Variants in CD40 observed in about 807,000 individuals in gnomAD.
CD40 encodes tumor necrosis factor receptor superfamily member 5.
Under a neutral mutation model 38.5 loss-of-function variants are expected in CD40, and 19 were observed. The observed-to-expected ratio is 0.49, with a 90% CI of 0.34 to 0.72. CD40 has a LOEUF of 0.72. Among genes scored for constraint, CD40 ranks in the 30% least tolerant of loss-of-function variants. CD40 has a pLI of 0.01. For synonymous variants in CD40, 130 were observed against 128.7 expected, an observed-to-expected ratio of 1.01 and a Z score of -0.07; for missense variants, 256 against 344.1, an observed-to-expected ratio of 0.74 and a Z score of 2.03.
At chr20:46,125,189 T>C (rs2085408826) in intron 5 of CD40, among the ~76,000 whole-genome samples, 1 of 152,092 alleles carries the variant, frequency 6.6e-6, no homozygotes, top group African/African-American at 2.4e-5. Context: ...GACCTTCATT[T>C]CACAAGGCTT....
intron 6 of CD40, chr20:46,127,055 AG>A (rs1270541169): frequency 2.7e-6 from 1 of 372,336 alleles, no homozygotes; most frequent in African/African-American, 2.1e-5. Flanking sequence ...TAATGGGTGC[AG>A]CACACCAACA....
intron 1 of CD40, 70 bp downstream of exon 1, chr20:46,118,464 T>A (rs1161857434): frequency 8.2e-7 from 1 of 1,216,192 alleles, no homozygotes; most frequent in Admixed American, 1.9e-5. Flanking sequence ...AAGGAAGACT[T>A]CGGGGAAGAG....
rs2085324517 is a variant in CD40 at position 46,121,828 on chromosome 20, A to G, written c.60A>G (p.Pro20=). The change falls in exon 2 of 9, where the codon CCA becomes CCG. Residue 20 remains proline (P), a synonymous_variant. Coordinates refer to ENST00000372285, the MANE Select transcript of CD40 (RefSeq NM_001250.6). ...LWGCLLTAVH[P]EPPTACREKQ... ...CACAATTCTGTTTTTAGGTCCATCCAGAACCACCCACTGCATGCAGAGAAA... is the reference window on the plus strand; with the variant it reads ...CACAATTCTGTTTTTAGGTCCATCCGGAACCACCCACTGCATGCAGAGAAA... The G allele has an allele frequency of 1.9e-6, 3 of 1,613,476 alleles. No homozygotes were observed. The highest frequency in any genetic ancestry group is 1.3e-5 in the African/African-American group (1 of 74,920).
At chr20:46,128,001 C>T in intron 6 of CD40, 137 bp from the exon 7 acceptor site, 1 of 1,547,934 alleles carries the variant, frequency 6.5e-7, no homozygotes. Flanking sequence ...CACATTTCCC[C>T]AAGGACCGCG....
rs1274016820 is a variant in CD40, at chr20:46,122,749, G to A, written c.396G>A (p.Lys132=). Residue 132 remains lysine, a synonymous_variant, in exon 4 of 9, where the codon AAG becomes AAA. Transcript: ENST00000372285. This position sits in a 1 kb window ranked among gnomAD's most constrained non-coding sequence, Gnocchi z 5.0. ...CATGCTCGCCCGGCTTTGGGGTCAA[G>A]CAGATTGGTAAGTGGCTCATCTGGG... ...HRSCSPGFGV[K]QIATGVSDTI... is the part of the protein sequence containing the mutation. 6.2e-7 allele frequency: 1 copy of A among 1,614,152 alleles called. No homozygotes were observed. The highest frequency in any genetic ancestry group is 1.7e-5 in the Admixed American group (1 of 60,022).
At chr20:46,120,575 T>C (rs538093680) in intron 1 of CD40, among the ~76,000 whole-genome samples, 2 of 152,360 alleles carry the variant, frequency 1.3e-5, no homozygotes, top group Admixed American at 6.5e-5. Flanking sequence ...AGTTAATGCC[T>C]CTCAAAGGCT....
At position 46,122,194 on chromosome 20, in the gene CD40, G is replaced by T. The variant is rs772505094; in HGVS notation, c.131-39G>T. 1 of 1,613,622 alleles carries T rather than the reference G, an allele frequency of 6.2e-7. No homozygotes were observed. The highest frequency in any genetic ancestry group is 8.5e-7 in the Non-Finnish European group (1 of 1,179,540). ...GTGTGGTTAGTGTCTGACTCATGGA[G>T]TTGGCCAGAGCCCTCCCTCATTTCC... On this transcript the variant is annotated intron_variant, in intron 2 of 8. Coordinates refer to ENST00000372285, the MANE Select transcript of CD40 (RefSeq NM_001250.6). This position sits in a 1 kb window ranked among gnomAD's most constrained non-coding sequence, Gnocchi z 5.0.
rs748815394 is a variant in CD40, at chr20:46,122,793, A to G, written c.403+37A>G. The G allele has an allele frequency of 1.9e-6, 3 of 1,612,448 alleles. No individual in the cohort carries two copies. The highest frequency in any genetic ancestry group is 2.5e-6 in the Non-Finnish European group (3 of 1,178,782). ...ATCTGGGAATCAGTTTTGGAGGGGG[A>G]CAGAGGAGCTTAGGGCCCAAGGTGA... On this transcript the variant is annotated intron_variant, in intron 4 of 8. Transcript: ENST00000372285. The surrounding 1 kb of genome is among the most constrained non-coding windows in gnomAD (Gnocchi z 5.0).
At position 46,126,640 on chromosome 20, in the gene CD40, C is replaced by G. The variant is rs144600981; in HGVS notation, c.498C>G (p.Ser166Arg). 6.2e-7 allele frequency: 1 copy of G among 1,613,978 alleles called. No individual in the cohort carries two copies. Among genetic ancestry groups the G allele is most frequent in the African/African-American group, 1.3e-5 (1 of 74,912 alleles). ...CATTTGTGCACGTGTCTGTGCATAG[C>G]TGTGAGACCAAAGACCTGGTTGTGC... ...SAFEKCHPWT[S>R]CETKDLVVQQ... is the part of the protein sequence containing the mutation. Residue 166 changes from serine (S) to arginine (R), a missense_variant and splice_region_variant, in exon 6 of 9, where the codon AGC (serine) becomes AGG (arginine). Coordinates refer to ENST00000372285, the MANE Select transcript of CD40 (RefSeq NM_001250.6).
At position 46,122,557 on chromosome 20, in the gene CD40, T is replaced by G; in HGVS notation, c.257-53T>G. On this transcript the variant is annotated intron_variant, in intron 3 of 8. Transcript: ENST00000372285. The surrounding 1 kb of genome is among the most constrained non-coding windows in gnomAD (Gnocchi z 5.0). ...GAGCAGGCAATGTGGGGAGTGAGGC[T>G]CAGAGCATGGCCCAGCAGGGGGTTC... The G allele has an allele frequency of 6.2e-7, 1 of 1,612,924 alleles. No homozygotes were observed. The highest frequency in any genetic ancestry group is 1.1e-5 in the South Asian group (1 of 91,028).
At position 46,122,455 on chromosome 20, in the gene CD40, T is replaced by G; in HGVS notation, c.256+97T>G. On this transcript the variant is annotated intron_variant, in intron 3 of 8. Transcript: ENST00000372285. This position sits in a 1 kb window ranked among gnomAD's most constrained non-coding sequence, Gnocchi z 5.0. ...TTATGTAGCCAGGGTCTGCTCTGAT[T>G]GGTTGGAGTCCGGGCTGTACTGATC... The G allele has an allele frequency of 6.3e-7, 1 of 1,583,716 alleles. No individual in the cohort carries two copies. Among genetic ancestry groups the G allele is most frequent in the Non-Finnish European group, 8.7e-7 (1 of 1,154,430 alleles).
At chr20:46,125,404 C>T (rs1177842544) in intron 5 of CD40, among the ~76,000 whole-genome samples, 3 of 151,632 alleles carry the variant, frequency 2.0e-5, no homozygotes, top group East Asian at 2.0e-4. Context: ...ATTAGCTGGG[C>T]GTGGTGGCGC....
At position 46,123,240 on chromosome 20, in the gene CD40, T is replaced by C. The variant is rs111455404; in HGVS notation, c.497+21T>C. 5.7e-6 allele frequency: 9 copies of C among 1,573,138 alleles called. No homozygotes were observed. In the African/African-American group the frequency reaches 6.7e-5, roughly 12 times the overall value. ...ACAAGGTATAAGCACTCATCCCTTG[T>C]GTTTCCTGCTCTAAGAGTGGCATGG... On this transcript the variant is annotated intron_variant, in intron 5 of 8. Transcript: ENST00000372285.
At chr20:46,127,074 T>C (rs2085451668) in intron 6 of CD40, 3 of 316,794 alleles carry the variant, frequency 9.5e-6, no homozygotes, top group South Asian at 9.3e-5. Context: ...ACATGGTACA[T>C]GTATACATAT....
At position 46,129,101 on chromosome 20, in the gene CD40, GTGC is replaced by G. The variant is rs755836869; in HGVS notation, c.*73_*75del. On this transcript the variant is annotated 3_prime_UTR_variant, in exon 9 of 9. Coordinates refer to ENST00000372285, the MANE Select transcript of CD40 (RefSeq NM_001250.6). ...AACAGGCAGTTGGCCAGAGAGCCTG[GTGC>G]TGCTGCTGCTGTGGCGTGAGGGTGA... 2.1e-5 allele frequency: 33 copies of G among 1,578,420 alleles called. No homozygotes were observed. Among genetic ancestry groups the G allele is most frequent in the African/African-American group, 2.7e-5 (2 of 74,418 alleles).
At chr20:46,128,646 C>T in intron 8 of CD40, 1 of 670,162 alleles carries the variant, frequency 1.5e-6, no homozygotes, top group Non-Finnish European at 2.6e-6. Flanking sequence ...GGGGCTGGGT[C>T]AAATGGGTGG....
Position 46,128,908 on chromosome 20 carries a change from G to A in CD40, c.702G>A (p.Gln234=), listed in dbSNP as rs561338230. 1.1e-4 allele frequency: 172 copies of A among 1,614,020 alleles called. No homozygotes were observed. The highest frequency in any genetic ancestry group is 1.4e-4 in the Non-Finnish European group (171 of 1,180,012). ...CCCCCCACCCCAAGCAGGAACCCCA[G>A]GAGATCAATTTTCCCGACGATCTTC... The part of the protein sequence containing the change: ...NKAPHPKQEP[Q]EINFPDDLPG... Residue 234 remains glutamine (Q), a synonymous_variant, in exon 9 of 9, where the codon CAG becomes CAA. Transcript: ENST00000372285.
At position 46,122,778 on chromosome 20, in the gene CD40, C is replaced by A; in HGVS notation, c.403+22C>A. The A allele has an allele frequency of 6.2e-7, 1 of 1,613,920 alleles. No homozygotes were observed. Among genetic ancestry groups the A allele is most frequent in the South Asian group, 1.1e-5 (1 of 91,068 alleles). On this transcript the variant is annotated intron_variant, in intron 4 of 8. Transcript: ENST00000372285. This position sits in a 1 kb window ranked among gnomAD's most constrained non-coding sequence, Gnocchi z 5.0. Reference sequence around the variant, plus strand: ...ATTGGTAAGTGGCTCATCTGGGAATCAGTTTTGGAGGGGGACAGAGGAGCT... The same window carrying A: ...ATTGGTAAGTGGCTCATCTGGGAATAAGTTTTGGAGGGGGACAGAGGAGCT...
rs892095824 is a variant in CD40 at position 46,122,139 on chromosome 20, T to A, written c.131-94T>A. 2.5e-5 allele frequency: 37 copies of A among 1,483,234 alleles called. No homozygotes were observed. Among genetic ancestry groups the A allele is most frequent in the Non-Finnish European group, 3.2e-5 (34 of 1,061,970 alleles). The allele number at this position is 1,483,234 out of a possible 1,614,324, so 91.9% of individuals were successfully genotyped here. On this transcript the variant is annotated intron_variant, in intron 2 of 8. Transcript: ENST00000372285. This position sits in a 1 kb window ranked among gnomAD's most constrained non-coding sequence, Gnocchi z 5.0. ...AGGATCCAAGACTTTCATCTTTGAA[T>A]CCCCTACCCTAAAGCCTGGCCTGAT... is the stretch of plus-strand genomic sequence containing the variant.
Sources: gnomAD v4.1 joint callset for allele counts (sites outside exome capture counted in the v4.1 genomes callset) on GRCh38, gnomAD v4.1.1 for gene constraint, Gnocchi (gnomAD v3.1) non-coding constraint, MANE v1.5 for transcripts, NCBI Gene and HGNC (gene_info 2026-07-23, HGNC 2026-07-21) for gene names.